BRCA1: variants seen among roughly 807,000 people sequenced by gnomAD.
BRCA1 encodes the protein BRCA1 DNA repair associated, also known as breast cancer type 1 susceptibility protein.
Under a neutral mutation model 173.7 loss-of-function variants are expected in BRCA1, and 140 were observed. The observed-to-expected ratio is 0.81, with a 90% CI of 0.70 to 0.93. BRCA1 has a LOEUF of 0.93. Among genes scored for constraint, BRCA1 ranks in the 40% least tolerant of loss-of-function variants. The probability of loss-of-function intolerance (pLI) is 0.00; values close to 1 mark genes in which losing one functional copy is unlikely to be tolerated. For synonymous variants in BRCA1, 662 were observed against 756.0 expected (o/e 0.88, Z 2.04); for missense variants, 1,983 against 2,172.5 (o/e 0.91, Z 1.73).
intron 1 of BRCA1, chr17:43,148,770 C>G (rs2056140267): frequency 6.0e-6 from 1 of 167,456 alleles, no homozygotes; most frequent in East Asian, 1.9e-4. Context: ...TGATGCTCTT[C>G]TATAAGAATG....
intron 16 of BRCA1, 132 bp downstream of exon 16, chr17:43,067,476 G>C (rs901342098): frequency 2.6e-5 from 18 of 694,828 alleles, no homozygotes; most frequent in Non-Finnish European, 3.9e-5. Flanking sequence ...GGATGGTCTC[G>C]ATCTCCTAAT....
chr17:43,052,097 G>A (rs2051266253), intron 19 of BRCA1, among the ~76,000 whole-genome samples: 1 of 152,030 alleles, frequency 6.6e-6, no homozygotes, highest in Non-Finnish European at 1.5e-5. Flanking sequence ...GTTTCCTGAA[G>A]ACACAGATCA....
At chr17:43,067,868 G>A (rs1312976343) in intron 15 of BRCA1, among the ~76,000 whole-genome samples, 173 bp from the exon 16 acceptor site, 1 of 60,664 alleles carries the variant, frequency 1.6e-5, no homozygotes, top group Non-Finnish European at 2.9e-5. Context: ...ACAGAGTCTT[G>A]CTCTGTCACC....
chr17:43,046,927 T>C (rs1422486343), intron 22 of BRCA1, among the ~76,000 whole-genome samples: 1 of 152,000 alleles, frequency 6.6e-6, no homozygotes. Flanking sequence ...AATTTAACGA[T>C]GTGGAAAAAT....
chr17:43,089,505 A>T (rs1453624818), intron 11 of BRCA1, among the ~76,000 whole-genome samples: 8 of 151,418 alleles, frequency 5.3e-5, no homozygotes, highest in Admixed American at 3.9e-4. Context: ...TGACCAAATT[A>T]TTGGCCTTGA....
chr17:43,115,287 AG>A (rs1288569151), intron 3 of BRCA1, among the ~76,000 whole-genome samples: 10 of 152,162 alleles, frequency 6.6e-5, no homozygotes. Flanking sequence ...GTGGATCACA[AG>A]GTCAGGAGTT....
intron 11 of BRCA1, among the ~76,000 whole-genome samples, chr17:43,083,223 T>C (rs1042233476): frequency 6.6e-6 from 1 of 151,842 alleles, no homozygotes; most frequent in Admixed American, 6.6e-5. Flanking sequence ...TGGCACCATC[T>C]CGGCTCACTG....
intron 21 of BRCA1, among the ~76,000 whole-genome samples, chr17:43,048,506 T>TTC (rs200225694): frequency 4.4e-4 from 64 of 145,864 alleles, no homozygotes; most frequent in Middle Eastern, 3.8e-3. Context: ...CACCTAGCTT[T>TTC]TCTCTCTCTC....
chr17:43,061,942 T>C (rs2051778850), intron 18 of BRCA1, among the ~76,000 whole-genome samples: 1 of 152,180 alleles, frequency 6.6e-6, no homozygotes, highest in Non-Finnish European at 1.5e-5. Flanking sequence ...AGTTCTCAGA[T>C]GGCTGTTCTG....
At chr17:43,131,380 AAAT>A (rs72233752) in intron 1 of BRCA1, 117,306 of 338,368 alleles carry the variant, frequency 0.35, 21,728 homozygotes, top group South Asian at 0.5. Context: ...TTGTGTCTCA[AAAT>A]AATAATAATA....
At chr17:43,156,245 A>G (rs1211856983) in intron 1 of BRCA1, among the ~76,000 whole-genome samples, 1 of 144,106 alleles carries the variant, frequency 6.9e-6, no homozygotes, top group Non-Finnish European at 1.6e-5. Context: ...TCAAAAAAAG[A>G]AAAAAAAAAA....
intron 1 of BRCA1, among the ~76,000 whole-genome samples, chr17:43,133,890 C>A (rs540327272): frequency 1.9e-3 from 288 of 152,332 alleles, no homozygotes; most frequent in Non-Finnish European, 2.8e-3. Flanking sequence ...CTGCCTCGGA[C>A]ACTCAAAGTG....
At chr17:43,081,187 T>C (rs993188382) in intron 12 of BRCA1, among the ~76,000 whole-genome samples, 11 of 152,198 alleles carry the variant, frequency 7.2e-5, no homozygotes, top group African/African-American at 2.7e-4. Flanking sequence ...AGACTGAAGA[T>C]GGTGAAAGTA....
At chr17:43,058,943 T>C (rs921651374) in intron 18 of BRCA1, among the ~76,000 whole-genome samples, 1 of 152,174 alleles carries the variant, frequency 6.6e-6, no homozygotes, top group Non-Finnish European at 1.5e-5. Flanking sequence ...GAAGGCCTTA[T>C]GTGTTGCCAA....
At chr17:43,151,114 G>A (rs542727797) in intron 1 of BRCA1, among the ~76,000 whole-genome samples, 1 of 152,292 alleles carries the variant, frequency 6.6e-6, no homozygotes, top group East Asian at 1.9e-4. Flanking sequence ...AGTGAAATTC[G>A]GGTATAAGGC....
chr17:43,157,823 C>T (rs1018355685), intron 1 of BRCA1, among the ~76,000 whole-genome samples: 72 of 151,954 alleles, frequency 4.7e-4, no homozygotes, highest in African/African-American at 1.6e-3. Flanking sequence ...ATGGAGACAC[C>T]CCGTCTCTAC....
chr17:43,046,824 C>A (rs1255550615), intron 22 of BRCA1, among the ~76,000 whole-genome samples: 1 of 151,162 alleles, frequency 6.6e-6, no homozygotes, highest in Non-Finnish European at 1.5e-5. Flanking sequence ...CTAGGAGTGA[C>A]TCCTGGTGAC....
At chr17:43,052,780 A>AC (rs2051298434) in intron 19 of BRCA1, among the ~76,000 whole-genome samples, 1 of 118,012 alleles carries the variant, frequency 8.5e-6, no homozygotes, top group Non-Finnish European at 1.8e-5. Context: ...GACGGACAGA[A>AC]ACACACACAC....
chr17:43,144,828 C>A (rs1262208686), intron 1 of BRCA1: 2 of 445,508 alleles, frequency 4.5e-6, no homozygotes, highest in Non-Finnish European at 8.6e-6. Context: ...CGAGACCAGC[C>A]TGGCCAACAT....
Sources: allele counts gnomAD v4.1 joint callset (sites outside exome capture counted in the v4.1 genomes callset), GRCh38; gene constraint gnomAD v4.1.1; transcripts MANE v1.5; gene names NCBI Gene and HGNC (gene_info 2026-07-23, HGNC 2026-07-21).